The following MBP variants were observed in gnomAD, a reference collection of about 807,000 sequenced individuals.
MBP encodes the protein Golli-MBP.
MBP carries 16 observed loss-of-function variants against 35.8 expected under a neutral mutation model. The ratio of observed to expected loss-of-function variants is 0.45; its 90% CI spans 0.30 to 0.68. The LOEUF is 0.68. Among genes scored for constraint, MBP ranks in the 30% least tolerant of loss-of-function variants. The pLI, the probability that MBP is intolerant of heterozygous loss-of-function variation, is 0.08. For synonymous variants in MBP, 143 were observed against 159.6 expected, an observed-to-expected ratio of 0.90 and a Z score of 0.78; for missense variants, 380 against 404.7, an observed-to-expected ratio of 0.94 and a Z score of 0.52.
At chr18:77,050,410 T>G (rs1005447470) in intron 3 of MBP, among the ~76,000 whole-genome samples, 2 of 152,184 alleles carry the variant, frequency 1.3e-5, no homozygotes, top group Non-Finnish European at 2.9e-5. Flanking sequence ...TGTTAGATTA[T>G]TTGCTTTTTT....
At chr18:77,133,300 T>G (rs117350418), upstream of MBP, among the ~76,000 whole-genome samples, 895 of 152,288 alleles carry the variant, frequency 5.9e-3, 33 homozygotes, top group South Asian at 0.084. Context: ...CAGGCCCATG[T>G]CCGGCTGGCA....
intron 2 of MBP, among the ~76,000 whole-genome samples, chr18:77,078,485 C>T (rs1224902416): frequency 6.6e-6 from 1 of 152,224 alleles, no homozygotes; most frequent in South Asian, 2.1e-4. Context: ...AGGTTCATGT[C>T]AAAAACTGCT....
chr18:76,986,601 T>C (rs1969570074), intron 7 of MBP: 2 of 985,470 alleles, frequency 2.0e-6, no homozygotes, highest in African/African-American at 3.5e-5. Flanking sequence ...GGACGGGATG[T>C]GTGGCAAGAA....
At chr18:77,110,784 C>T (rs1976423044) in intron 1 of MBP, among the ~76,000 whole-genome samples, 1 of 152,050 alleles carries the variant, frequency 6.6e-6, no homozygotes, top group Non-Finnish European at 1.5e-5. Context: ...ACATGTTATA[C>T]CTAAACAGAC....
chr18:77,033,786 CCATCCAT>C (rs1410650380), intron 3 of MBP, among the ~76,000 whole-genome samples: 6 of 145,934 alleles, frequency 4.1e-5, no homozygotes, highest in African/African-American at 7.9e-5. Context: ...ATCCATCCAT[CCATCCAT>C]CCACCCACTC....
intron 2 of MBP, among the ~76,000 whole-genome samples, chr18:77,100,751 C>T (rs1276983307): frequency 2.0e-5 from 3 of 152,064 alleles, no homozygotes; most frequent in Non-Finnish European, 2.9e-5. Flanking sequence ...TAAGGTCTCA[C>T]TTTGTTGTCC....
chr18:76,989,885 G>T lies in MBP; in HGVS notation c.681+71C>A. On this transcript the variant is annotated intron_variant, in intron 5 of 8. Coordinates refer to ENST00000355994, the MANE Select transcript of MBP (RefSeq NM_001025101.2). The surrounding 1 kb of genome is among the most constrained non-coding windows in gnomAD (Gnocchi z 4.0). ...CCCCGAGCGTACGAACGTCCTGTGT[G>T]GATGACAGCAGTGGCCAGCACCCCT... The T allele has an allele frequency of 7.4e-7, 1 of 1,345,066 alleles. No individual in the cohort carries two copies. Among genetic ancestry groups the T allele is most frequent in the Non-Finnish European group, 1.1e-6 (1 of 937,680 alleles). The allele number at this position is 1,345,066 out of a possible 1,614,324, so 83.3% of individuals were successfully genotyped here. A position where few individuals can be genotyped will look rare whatever the true frequency, so the allele number is the denominator to read the frequency against.
chr18:77,100,508 GGTGTGTGTGTGTGTGTGTGT>G (rs57715344), intron 2 of MBP, among the ~76,000 whole-genome samples: 8 of 133,606 alleles, frequency 6.0e-5, no homozygotes, highest in African/African-American at 1.1e-4. Flanking sequence ...TAGAATTTGG[GGTGTGTGTGTGTGTGTGTGT>G]GTGTGTGTGT....
At chr18:77,014,598 C>T (rs1971526248) in intron 4 of MBP, 1 of 985,324 alleles carries the variant, frequency 1.0e-6, no homozygotes, top group Non-Finnish European at 1.2e-6. Context: ...ACCAAAAATT[C>T]CTCCATGGCA....
At chr18:77,015,595 G>A (rs1971580952) in intron 4 of MBP, 4 of 985,386 alleles carry the variant, frequency 4.1e-6, no homozygotes, top group South Asian at 9.4e-5. Context: ...ATAAGTCACG[G>A]CAAGTGTCAC....
In MBP at chr18:77,131,304, C is replaced by T; in HGVS notation, c.-26+1276G>A. Among the ~76,000 whole-genome samples, 1 of 152,162 alleles carries T rather than the reference C, an allele frequency of 6.6e-6. No individual in the cohort carries two copies. Among genetic ancestry groups the T allele is most frequent in the East Asian group, 1.9e-4 (1 of 5,188 alleles). ...ATACGGTCCCCTGACTTGAGGGTGA[C>T]CGTCCTTAAACTGTCCCCCGGAGCT... On this transcript the variant is annotated intron_variant, in intron 1 of 8. Transcript: ENST00000355994. The surrounding 1 kb of genome is among the most constrained non-coding windows in gnomAD (Gnocchi z 5.5).
intron 1 of MBP, among the ~76,000 whole-genome samples, chr18:77,111,231 G>A (rs572568585): frequency 3.3e-5 from 5 of 152,276 alleles, no homozygotes; most frequent in Admixed American, 2.0e-4. Context: ...TCATGGGCAC[G>A]GTTCTGTATT....
intron 3 of MBP, among the ~76,000 whole-genome samples, chr18:77,062,382 T>C (rs1974017451): frequency 6.6e-6 from 1 of 152,136 alleles, no homozygotes; most frequent in Non-Finnish European, 1.5e-5. Flanking sequence ...GCAACTGGTC[T>C]ACTGAAAAAT....
intron 2 of MBP, among the ~76,000 whole-genome samples, chr18:77,082,753 AGC>A (rs1975012644): frequency 2.7e-4 from 14 of 50,916 alleles, no homozygotes; most frequent in South Asian, 1.6e-3. Flanking sequence ...TCCTCCCTGC[AGC>A]AGCAGCTGGA....
At chr18:77,042,351 G>A (rs2144633476) in intron 3 of MBP, among the ~76,000 whole-genome samples, 1 of 152,270 alleles carries the variant, frequency 6.6e-6, no homozygotes, top group South Asian at 2.1e-4. Context: ...ACCACGCTTT[G>A]AGCCCATGGC....
At chr18:77,084,409 C>CAG (rs1975114627) in intron 2 of MBP, among the ~76,000 whole-genome samples, 1 of 46,366 alleles carries the variant, frequency 2.2e-5, no homozygotes, top group Non-Finnish European at 5.3e-5. Flanking sequence ...CATCACAACA[C>CAG]CGCCCCCCCC....
At chr18:77,051,653 G>A (rs183406741) in intron 3 of MBP, among the ~76,000 whole-genome samples, 5 of 152,304 alleles carry the variant, frequency 3.3e-5, no homozygotes, top group African/African-American at 1.2e-4. Context: ...TGGAAGGAGA[G>A]CTTAGGAATA....
At chr18:77,128,482 T>C (rs528123565) in intron 1 of MBP, among the ~76,000 whole-genome samples, 1 of 151,538 alleles carries the variant, frequency 6.6e-6, no homozygotes, top group East Asian at 1.9e-4. Context: ...TGGTTCTACA[T>C]GGGTGATAAA....
chr18:76,987,016 A>G, intron 7 of MBP: 1 of 985,400 alleles, frequency 1.0e-6, no homozygotes, highest in Non-Finnish European at 1.2e-6. Flanking sequence ...AAATGCAGAG[A>G]AGGATTTTGC....
Sources: allele counts gnomAD v4.1 joint callset (sites outside exome capture counted in the v4.1 genomes callset), GRCh38; gene constraint gnomAD v4.1.1; non-coding constraint Gnocchi (gnomAD v3.1); transcripts MANE v1.5; gene names NCBI Gene and HGNC (gene_info 2026-07-23, HGNC 2026-07-21).